The following TMEFF1 variants were observed in gnomAD, a reference collection of about 807,000 sequenced individuals.
The protein encoded by TMEFF1 is tomoregulin-1.
A neutral mutation model predicts 47.5 loss-of-function variants in TMEFF1; 20 were observed. The observed-to-expected ratio is 0.42, with a 90% CI of 0.30 to 0.61. The LOEUF (loss-of-function observed/expected upper bound fraction) is 0.61, where lower values mean the gene tolerates loss of function less well. Among genes scored for constraint, TMEFF1 ranks in the 20% least tolerant of loss-of-function variants. The pLI, the probability that TMEFF1 is intolerant of heterozygous loss-of-function variation, is 0.19. For missense variants in TMEFF1, 411 were observed against 471.1 expected, an observed-to-expected ratio of 0.87 and a Z score of 1.18; for synonymous variants, 162 against 166.3, an observed-to-expected ratio of 0.97 and a Z score of 0.20.
chr9:100,486,577 T>C (rs902544038), intron 1 of TMEFF1, among the ~76,000 whole-genome samples: 2 of 152,222 alleles, frequency 1.3e-5, no homozygotes, highest in Non-Finnish European at 2.9e-5. Flanking sequence ...TGTTTTGCTT[T>C]GCATTTTCTG....
At chr9:100,528,253 C>G (rs1329087649) in intron 5 of TMEFF1, among the ~76,000 whole-genome samples, 1 of 151,172 alleles carries the variant, frequency 6.6e-6, no homozygotes, top group Non-Finnish European at 1.5e-5. Context: ...ATGACTTTGA[C>G]GAGCTGAGAG....
intron 1 of TMEFF1, among the ~76,000 whole-genome samples, chr9:100,497,331 T>TTTTTTTTTTG: frequency 6.7e-6 from 1 of 148,472 alleles, no homozygotes; most frequent in Admixed American, 6.7e-5. Context: ...TTTTTTTTTT[T>TTTTTTTTTTG]TTTTTTTTTT....
intron 1 of TMEFF1, among the ~76,000 whole-genome samples, chr9:100,484,201 G>T (rs1161946482): frequency 2.0e-5 from 3 of 152,114 alleles, no homozygotes; most frequent in Non-Finnish European, 4.4e-5. Context: ...ATTAAATTAA[G>T]TAATTGATAT....
chr9:100,547,760 GA>G lies in TMEFF1; in HGVS notation c.578del (p.Asp193ValfsTer30), dbSNP rs1364440193. On this transcript the variant is annotated frameshift_variant, in exon 6 of 10. Coordinates refer to ENST00000374879, the MANE Select transcript of TMEFF1 (RefSeq NM_003692.5). LOFTEE classifies it high-confidence loss of function. ...AENVGCVCNI[D>X]CSGYSFNPVC... ...TTCCAACAGGTGTGTATGTAATATA[GA>G]TTGCAGTGGATACAGTTTTAATCCT... 3 of 1,590,358 alleles carry G rather than the reference GA, an allele frequency of 1.9e-6. No homozygotes were observed. In the Admixed American group the frequency reaches 5.4e-5, roughly 29 times the overall value.
intron 5 of TMEFF1, among the ~76,000 whole-genome samples, chr9:100,547,250 A>T (rs995346893): frequency 6.6e-6 from 1 of 152,078 alleles, no homozygotes; most frequent in Non-Finnish European, 1.5e-5. Flanking sequence ...TCCTGGGCTC[A>T]AGTGATTCTC....
At chr9:100,558,221 A>T (rs1838951604) in intron 7 of TMEFF1, among the ~76,000 whole-genome samples, 1 of 152,146 alleles carries the variant, frequency 6.6e-6, no homozygotes, top group African/African-American at 2.4e-5. Context: ...CTTATGGTAG[A>T]TTAGTACATT....
rs558839597 is a variant in TMEFF1, at chr9:100,492,694, CTGTT to C, written c.197-6068_197-6065del. ...CAGAAAATTGGGGGGATAATGAAGA[CTGTT>C]TGGTTACAAGGGGAGGCCAGAAGTG... is the stretch of plus-strand genomic sequence containing the variant. On this transcript the variant is annotated intron_variant, in intron 1 of 9. Coordinates refer to ENST00000374879, the MANE Select transcript of TMEFF1 (RefSeq NM_003692.5). 8.0e-4 allele frequency among the ~76,000 whole-genome samples: 121 copies of C among 152,190 alleles called. 1 individual carries two copies. In the South Asian group the frequency reaches 0.023, roughly 28 times the overall value.
chr9:100,546,161 C>G (rs1357931899), intron 5 of TMEFF1, among the ~76,000 whole-genome samples: 2 of 152,124 alleles, frequency 1.3e-5, no homozygotes, highest in African/African-American at 4.8e-5. Context: ...TTGTATTAAT[C>G]TGTTTTCACA....
chr9:100,495,013 G>GA, intron 1 of TMEFF1, among the ~76,000 whole-genome samples: 1 of 151,950 alleles, frequency 6.6e-6, no homozygotes, highest in East Asian at 1.9e-4. Context: ...AAACATAAAT[G>GA]AAAAAACCCC....
At chr9:100,516,491 A>G (rs1446539358) in intron 4 of TMEFF1, among the ~76,000 whole-genome samples, 184 bp from the exon 5 acceptor site, 1 of 152,204 alleles carries the variant, frequency 6.6e-6, no homozygotes, top group Non-Finnish European at 1.5e-5. Context: ...TCCTCACAAA[A>G]TATGTTGTAC....
intron 8 of TMEFF1, among the ~76,000 whole-genome samples, chr9:100,569,063 G>A (rs1323855717): frequency 6.6e-6 from 1 of 152,116 alleles, no homozygotes; most frequent in African/African-American, 2.4e-5. Flanking sequence ...TTGTGTGAAC[G>A]TGTTTTAATT....
intron 1 of TMEFF1, among the ~76,000 whole-genome samples, chr9:100,478,432 G>C (rs1255259974): frequency 6.6e-6 from 1 of 152,076 alleles, no homozygotes. Flanking sequence ...GTGATTCTCA[G>C]CCTCCTCAGT....
intron 4 of TMEFF1, among the ~76,000 whole-genome samples, chr9:100,515,646 C>T (rs372463712): frequency 5.9e-5 from 9 of 151,858 alleles, no homozygotes; most frequent in East Asian, 3.9e-4. Flanking sequence ...ATTAGCTGGG[C>T]ATGGTGGTGT....
chr9:100,503,530 A>G (rs1837804359), intron 2 of TMEFF1, among the ~76,000 whole-genome samples: 1 of 118,420 alleles, frequency 8.4e-6, no homozygotes, highest in Admixed American at 1.0e-4. Context: ...CTCCAGAGAA[A>G]CAGAAACACA....
intron 5 of TMEFF1, among the ~76,000 whole-genome samples, chr9:100,520,325 A>G (rs1838140210): frequency 6.6e-6 from 1 of 152,176 alleles, no homozygotes; most frequent in Non-Finnish European, 1.5e-5. Context: ...AAACAAATGA[A>G]CAAACAACCC....
intron 5 of TMEFF1, among the ~76,000 whole-genome samples, chr9:100,519,714 C>T (rs1191095413): frequency 7.6e-6 from 1 of 131,194 alleles, no homozygotes; most frequent in East Asian, 2.5e-4. Flanking sequence ...CTGGTCCCAG[C>T]TGTGATTTCT....
chr9:100,496,519 C>T lies in TMEFF1; in HGVS notation c.197-2246C>T, dbSNP rs149058053. Among the ~76,000 whole-genome samples, 852 of 152,346 alleles carry T rather than the reference C, an allele frequency of 5.6e-3. 1 individual carries two copies. The highest frequency in any genetic ancestry group is 8.9e-3 in the Non-Finnish European group (602 of 68,022). ...CCTCCCAAAGTGCTGGGATTACAGG[C>T]GTGAGCCACCAGGCCCAGCCAGTGG... On this transcript the variant is annotated intron_variant, in intron 1 of 9. Transcript: ENST00000374879.
intron 5 of TMEFF1, among the ~76,000 whole-genome samples, chr9:100,545,460 A>G (rs1838715972): frequency 6.6e-6 from 1 of 152,188 alleles, no homozygotes; most frequent in African/African-American, 2.4e-5. Context: ...GCAGGGCACC[A>G]AGTCCCTAGG....
intron 5 of TMEFF1, among the ~76,000 whole-genome samples, chr9:100,524,055 C>T (rs986247047): frequency 6.6e-6 from 1 of 151,966 alleles, no homozygotes; most frequent in Admixed American, 6.6e-5. Context: ...ACTCAGTTGC[C>T]TTCACTAGAG....
Sources: gnomAD v4.1 joint callset for allele counts (sites outside exome capture counted in the v4.1 genomes callset) on GRCh38, gnomAD v4.1.1 for gene constraint, MANE v1.5 for transcripts, NCBI Gene and HGNC (gene_info 2026-07-23, HGNC 2026-07-21) for gene names.